Variants in HMOX2 observed in about 807,000 individuals in gnomAD.
HMOX2 encodes heme oxygenase (decycling) 2.
HMOX2 carries 30 observed loss-of-function variants against 33.7 expected under a neutral mutation model. The observed-to-expected ratio is 0.89, with a 90% confidence interval of 0.67 to 1.21. HMOX2 has a LOEUF of 1.21. HMOX2 is among the 50% of genes most tolerant of loss of function. The probability of loss-of-function intolerance (pLI) is 0.00; values close to 1 mark genes in which losing one functional copy is unlikely to be tolerated. For missense variants in HMOX2, 403 were observed against 399.1 expected, an observed-to-expected ratio of 1.01 and a Z score of -0.08; for synonymous variants, 155 against 155.0, an observed-to-expected ratio of 1.00 and a Z score of 0.00.
At chr16:4,497,861 G>A (rs2058460521) in intron 1 of HMOX2, among the ~76,000 whole-genome samples, 1 of 152,088 alleles carries the variant, frequency 6.6e-6, no homozygotes, top group Non-Finnish European at 1.5e-5. Context: ...GAGTTCCAAA[G>A]TGCAGAGATT....
rs2058669026 is a variant in HMOX2, at chr16:4,505,556, T to C, written c.32T>C (p.Val11Ala). ...GCGGAAGTGGAAACCTCAGAGGGGG[T>C]AGACGAGTCAGAAAAAAAGAACTCT... MSAEVETSEG[V>A]DESEKKNSGA... The change falls in exon 2 of 6, where the codon GTA becomes GCA. Residue 11 changes from valine to alanine, a missense_variant. Physicochemically the swap from Val to Ala is moderately conservative, Grantham distance 64. Coordinates refer to ENST00000570646, the MANE Select transcript of HMOX2 (RefSeq NM_002134.4). The C allele has an allele frequency of 3.1e-6, 5 of 1,606,298 alleles. No individual in the cohort carries two copies. Among genetic ancestry groups the C allele is most frequent in the African/African-American group, 1.3e-5 (1 of 74,484 alleles).
chr16:4,488,000 GTAAT>G (rs2058215245), intron 1 of HMOX2, among the ~76,000 whole-genome samples: 1 of 150,364 alleles, frequency 6.7e-6, no homozygotes, highest in Non-Finnish European at 1.5e-5. Flanking sequence ...TTGCATGCCT[GTAAT>G]CCTAGCTACT....
intron 4 of HMOX2, 80 bp from the exon 5 acceptor site, chr16:4,509,332 C>G: frequency 6.5e-7 from 1 of 1,531,034 alleles, no homozygotes; most frequent in South Asian, 1.2e-5. Flanking sequence ...CAACAGAGAC[C>G]TCATCTCAAA....
chr16:4,487,146 C>T (rs899260256), intron 1 of HMOX2, among the ~76,000 whole-genome samples: 3 of 152,114 alleles, frequency 2.0e-5, no homozygotes, highest in African/African-American at 7.2e-5. Context: ...GTAGTCTCAG[C>T]TGCTCGAGAG....
intron 1 of HMOX2, among the ~76,000 whole-genome samples, chr16:4,493,745 CGT>C (rs1223150464): frequency 1.3e-5 from 2 of 152,182 alleles, no homozygotes; most frequent in South Asian, 4.1e-4. Flanking sequence ...CCCAGCTCCT[CGT>C]GTGTCTTTTG....
At chr16:4,492,338 A>G (rs551264675) in intron 1 of HMOX2, among the ~76,000 whole-genome samples, 1 of 151,932 alleles carries the variant, frequency 6.6e-6, no homozygotes, top group Middle Eastern at 3.4e-3. Flanking sequence ...AAAAAAAAAA[A>G]TTAAATAAAT....
chr16:4,475,642 A>G (rs911733779), upstream of HMOX2, among the ~76,000 whole-genome samples: 13 of 151,932 alleles, frequency 8.6e-5, no homozygotes, highest in Non-Finnish European at 1.5e-5. Flanking sequence ...TGTGTTCAGT[A>G]AAACTAAAAA....
chr16:4,495,505 G>C (rs1180307461), intron 1 of HMOX2: 1 of 152,156 alleles, frequency 6.6e-6, no homozygotes, highest in Non-Finnish European at 1.5e-5. Context: ...AAGAAGCCTA[G>C]GAATAATACC....
rs556716217 is a variant in HMOX2 at position 4,508,577 on chromosome 16, G to A, written c.696+373G>A. Among the ~76,000 whole-genome samples, 266 of 152,306 alleles carry A rather than the reference G, an allele frequency of 1.7e-3. 1 individual carries two copies. The highest frequency in any genetic ancestry group is 5.2e-3 in the South Asian group (25 of 4,830). On this transcript the variant is annotated intron_variant, in intron 4 of 5. Transcript: ENST00000570646. ...CTTTATAAGTTAATAGAGAGCCAGTGCCACCAAGGAGAGTAAATAAGCTCT... is the reference window on the plus strand; with the variant it reads ...CTTTATAAGTTAATAGAGAGCCAGTACCACCAAGGAGAGTAAATAAGCTCT...
At chr16:4,480,951 G>T (rs901703523) in intron 1 of HMOX2, among the ~76,000 whole-genome samples, 1 of 151,036 alleles carries the variant, frequency 6.6e-6, no homozygotes, top group Non-Finnish European at 1.5e-5. Flanking sequence ...ACCGCGCCCG[G>T]CCAGGCCTCG....
intron 1 of HMOX2, among the ~76,000 whole-genome samples, chr16:4,489,041 C>G (rs1219960162): frequency 6.6e-6 from 1 of 151,936 alleles, no homozygotes; most frequent in African/African-American, 2.4e-5. Context: ...GTTGCCCAGG[C>G]TGGTATACAT....
chr16:4,500,509 G>C (rs889727034), intron 1 of HMOX2, among the ~76,000 whole-genome samples: 4 of 152,240 alleles, frequency 2.6e-5, no homozygotes, highest in Admixed American at 6.5e-5. Flanking sequence ...GTCTGCTGTT[G>C]CTTACTCTCG....
chr16:4,495,227 TG>T (rs1184365466), intron 1 of HMOX2, among the ~76,000 whole-genome samples: 58 of 152,194 alleles, frequency 3.8e-4, no homozygotes, highest in Admixed American at 4.6e-4. Context: ...TGGTGCCTTG[TG>T]CATTAAGATA....
At chr16:4,479,841 C>A (rs575374825) in intron 1 of HMOX2, among the ~76,000 whole-genome samples, 1 of 145,764 alleles carries the variant, frequency 6.9e-6, no homozygotes, top group Admixed American at 7.1e-5. Flanking sequence ...TGGGTTCAAG[C>A]GATTCTCCAG....
chr16:4,500,244 G>A (rs531430089), intron 1 of HMOX2, among the ~76,000 whole-genome samples: 4 of 152,256 alleles, frequency 2.6e-5, no homozygotes, highest in African/African-American at 9.6e-5. Flanking sequence ...TAGGAAGCAG[G>A]CAGGGGACCC....
Position 4,509,745 on chromosome 16 carries a change from T to TA in HMOX2, c.941dup (p.Tyr314Ter), listed in dbSNP as rs763714734. The TA allele has an allele frequency of 6.2e-7, 1 of 1,613,052 alleles. No individual in the cohort carries two copies. The highest frequency in any genetic ancestry group is 8.5e-7 in the Non-Finnish European group (1 of 1,179,818). ...VALAAGLLAW[Y>*]YM ...CCTAGCTGCTGGACTCTTGGCCTGG[T>TA]ACTACATGTGAAGCACCCATCATGC... Residue 314 changes from tyrosine to a stop codon, truncating the protein, a stop_gained and frameshift_variant, in exon 6 of 6, where the codon TAC (tyrosine) becomes TAAC (stop). Coordinates refer to ENST00000570646, the MANE Select transcript of HMOX2 (RefSeq NM_002134.4). LOFTEE classifies it high-confidence loss of function.
chr16:4,508,328 G>T, intron 4 of HMOX2, 124 bp downstream of exon 4: 1 of 1,168,484 alleles, frequency 8.6e-7, no homozygotes. Context: ...GTGCCGAGAG[G>T]AAGGTGGCCA....
chr16:4,494,828 A>T (rs762145210), intron 1 of HMOX2, among the ~76,000 whole-genome samples: 2 of 152,002 alleles, frequency 1.3e-5, no homozygotes, highest in Non-Finnish European at 2.9e-5. Flanking sequence ...GCAGTGAGCT[A>T]TGATCACACC....
intron 1 of HMOX2, among the ~76,000 whole-genome samples, chr16:4,487,257 C>CA (rs879421943): frequency 2.8e-3 from 398 of 141,476 alleles, no homozygotes; most frequent in African/African-American, 6.6e-3. Context: ...GACCCTGTCT[C>CA]AAAAAAAAAA....
Sources: allele counts gnomAD v4.1 joint callset (sites outside exome capture counted in the v4.1 genomes callset), GRCh38; gene constraint gnomAD v4.1.1; transcripts MANE v1.5; gene names NCBI Gene and HGNC (gene_info 2026-07-23, HGNC 2026-07-21).